Variants in DMD observed in about 807,000 individuals in gnomAD.
DMD encodes the protein dystrophin.
A neutral mutation model predicts 330.1 loss-of-function variants in DMD; 63 were observed. That is an observed-to-expected ratio of 0.19 (90% CI 0.16 to 0.24). The LOEUF (loss-of-function observed/expected upper bound fraction) is 0.24, where lower values mean the gene tolerates loss of function less well. DMD is among the 10% of genes least tolerant of loss of function. The pLI is 1.00. For synonymous variants in DMD, 1,223 were observed against 959.8 expected, an observed-to-expected ratio of 1.27 and a Z score of -5.07; for missense variants, 3,344 against 2,684.1, an observed-to-expected ratio of 1.25 and a Z score of -5.43.
chrX:32,754,594 G>A (rs1335376250), intron 7 of DMD, among the ~76,000 whole-genome samples: 1 of 109,279 alleles, frequency 9.2e-6, no homozygotes, highest in Non-Finnish European at 1.9e-5. Context: ...TCTTCAACCT[G>A]ATGAGACCAT....
At chrX:32,435,297 T>TATATATATATATATATA (rs1557355914) in intron 29 of DMD, among the ~76,000 whole-genome samples, 24 of 99,281 alleles carry the variant, frequency 2.4e-4, no homozygotes, top group East Asian at 1.3e-3. Context: ...TATATATATA[T>TATATATATATATATATA]TTACACCCAT....
intron 7 of DMD, among the ~76,000 whole-genome samples, chrX:32,795,022 G>A (rs190197512): frequency 1.1e-3 from 120 of 112,147 alleles, no homozygotes; most frequent in African/African-American, 3.8e-3. Context: ...CCAACAAATG[G>A]AAAGTCATCC....
chrX:33,279,828 A>G (rs2053295755), intron 1 of DMD, among the ~76,000 whole-genome samples: 1 of 110,614 alleles, frequency 9.0e-6, no homozygotes, highest in Admixed American at 9.7e-5. Flanking sequence ...ACATTTTTTA[A>G]TGCATTTATA....
chrX:32,555,152 C>A (rs2050159422), intron 16 of DMD, among the ~76,000 whole-genome samples: 1 of 110,804 alleles, frequency 9.0e-6, no homozygotes, highest in African/African-American at 3.3e-5. Context: ...TTAACACATG[C>A]AAATCAATAC....
At chrX:33,295,959 A>G (rs1225268392) in intron 1 of DMD, among the ~76,000 whole-genome samples, 1 of 111,565 alleles carries the variant, frequency 9.0e-6, no homozygotes, top group Non-Finnish European at 1.9e-5. Flanking sequence ...GTGATGACAA[A>G]CTATTTTGTG....
At chrX:31,640,624 G>C in intron 54 of DMD, among the ~76,000 whole-genome samples, 1 of 112,230 alleles carries the variant, frequency 8.9e-6, no homozygotes, top group East Asian at 2.8e-4. Flanking sequence ...CATGTAATTT[G>C]AAAACAAAAA....
At chrX:32,506,274 G>C (rs1010319753) in intron 18 of DMD, among the ~76,000 whole-genome samples, 1 of 110,183 alleles carries the variant, frequency 9.1e-6, no homozygotes, top group East Asian at 2.8e-4. Context: ...GTATCTGTGG[G>C]AGCCGGGTTA....
chrX:33,267,891 A>G (rs961423383), intron 1 of DMD, among the ~76,000 whole-genome samples: 3 of 112,013 alleles, frequency 2.7e-5, no homozygotes, highest in African/African-American at 9.7e-5. Context: ...TGCCATATAC[A>G]AAAATAAACT....
intron 12 of DMD, among the ~76,000 whole-genome samples, chrX:32,597,124 G>A (rs2055643172): frequency 9.0e-6 from 1 of 111,475 alleles, no homozygotes; most frequent in South Asian, 3.7e-4. Context: ...TTTTCTTCCA[G>A]ATGTTTAAAT....
chrX:31,421,954 TATATACAC>T (rs2063420111), intron 60 of DMD, among the ~76,000 whole-genome samples: 2 of 79,055 alleles, frequency 2.5e-5, no homozygotes, highest in African/African-American at 1.7e-4. Flanking sequence ...TATATATATA[TATATACAC>T]ATATATATAT....
rs193129872 is a variant in DMD, at chrX:31,328,206, T to C, written c.9164-4548A>G. Among the ~76,000 whole-genome samples the C allele has an allele frequency of 2.3e-3, 253 of 112,270 alleles. 2 individuals are homozygous for C. Among genetic ancestry groups the C allele is most frequent in the Admixed American group, 4.3e-3 (46 of 10,610 alleles). On this transcript the variant is annotated intron_variant, in intron 61 of 78. Transcript: ENST00000357033. ...AGTGAACATCTTTGTAGATAAATCTTTGCACATATTTTAGTTACTTTTTTA... is the reference window on the plus strand; with the variant it reads ...AGTGAACATCTTTGTAGATAAATCTCTGCACATATTTTAGTTACTTTTTTA...
chrX:33,009,198 ATG>A (rs2093512938), intron 2 of DMD, among the ~76,000 whole-genome samples: 1 of 57,704 alleles, frequency 1.7e-5, no homozygotes, highest in African/African-American at 6.9e-5. Flanking sequence ...ATATGTATAT[ATG>A]TGTATATATA....
chrX:32,557,084 A>G (rs1284175598), intron 16 of DMD, among the ~76,000 whole-genome samples: 1 of 111,782 alleles, frequency 8.9e-6, no homozygotes, highest in African/African-American at 3.2e-5. Flanking sequence ...AATGGTAGCT[A>G]TTATGACCTC....
intron 44 of DMD, among the ~76,000 whole-genome samples, chrX:32,123,524 T>C (rs1246622492): frequency 9.1e-6 from 1 of 110,089 alleles, no homozygotes; most frequent in African/African-American, 3.3e-5. Flanking sequence ...AAAGGTGCTC[T>C]GTTTCTGAAG....
At chrX:32,982,119 C>A (rs868432576) in intron 2 of DMD, among the ~76,000 whole-genome samples, 44 of 111,855 alleles carry the variant, frequency 3.9e-4, no homozygotes, top group Admixed American at 6.7e-4. Flanking sequence ...CAACAACACA[C>A]AAAGCATCAA....
At chrX:32,625,382 T>G (rs766534688) in intron 11 of DMD, among the ~76,000 whole-genome samples, 1 of 111,261 alleles carries the variant, frequency 9.0e-6, no homozygotes, top group Non-Finnish European at 1.9e-5. Flanking sequence ...ATAATAATTA[T>G]AATTTACCTA....
chrX:32,182,648 G>A (rs1454599172), intron 44 of DMD, among the ~76,000 whole-genome samples: 1 of 111,529 alleles, frequency 9.0e-6, no homozygotes, highest in Non-Finnish European at 1.9e-5. Context: ...TATACACTCA[G>A]CACCTAACAG....
chrX:32,795,807 A>C (rs1379399950), intron 7 of DMD, among the ~76,000 whole-genome samples: 1 of 111,763 alleles, frequency 8.9e-6, no homozygotes, highest in African/African-American at 3.3e-5. Context: ...GACAATAATA[A>C]GTATTTCTCA....
intron 34 of DMD, among the ~76,000 whole-genome samples, chrX:32,376,314 C>A (rs775820075): frequency 9.0e-6 from 1 of 111,510 alleles, no homozygotes; most frequent in Non-Finnish European, 1.9e-5. Context: ...CTTTCGGTAT[C>A]TATTTGGTTT....
Sources: gnomAD v4.1 joint callset for allele counts (sites outside exome capture counted in the v4.1 genomes callset) on GRCh38, gnomAD v4.1.1 for gene constraint, MANE v1.5 for transcripts, NCBI Gene and HGNC (gene_info 2026-07-23, HGNC 2026-07-21) for gene names.